The following PDE8A variants were observed in gnomAD, a reference collection of about 807,000 sequenced individuals.
PDE8A encodes the protein high affinity cAMP-specific and IBMX-insensitive 3',5'-cyclic phosphodiesterase 8A.
PDE8A carries 59 observed loss-of-function variants against 105.0 expected under a neutral mutation model. The ratio of observed to expected loss-of-function variants is 0.56; its 90% CI spans 0.46 to 0.70. The LOEUF (loss-of-function observed/expected upper bound fraction) is 0.70, where lower values mean the gene tolerates loss of function less well. PDE8A is among the 30% of genes least tolerant of loss of function. The pLI, the probability that PDE8A is intolerant of heterozygous loss-of-function variation, is 0.00. For synonymous variants in PDE8A, 355 were observed against 371.9 expected, an observed-to-expected ratio of 0.95 and a Z score of 0.52; for missense variants, 1,014 against 1,045.9, an observed-to-expected ratio of 0.97 and a Z score of 0.42.
intron 20 of PDE8A, among the ~76,000 whole-genome samples, chr15:85,127,241 T>C (rs539741171): frequency 9.2e-5 from 14 of 152,284 alleles, no homozygotes; most frequent in African/African-American, 3.1e-4. Flanking sequence ...GCATGAGATA[T>C]TGAATACATT....
chr15:85,114,077 G>C (rs182437084), intron 14 of PDE8A, 40 bp downstream of exon 14: 1 of 1,554,432 alleles, frequency 6.4e-7, no homozygotes, highest in Non-Finnish European at 8.9e-7. Flanking sequence ...GAGCCTGTCT[G>C]TTCTTGGTTG....
intron 20 of PDE8A, 41 bp downstream of exon 20, chr15:85,126,415 G>C: frequency 7.5e-7 from 1 of 1,335,812 alleles, no homozygotes; most frequent in Non-Finnish European, 1.0e-6. Flanking sequence ...GAGAGAGAGA[G>C]TTAAAACCCA....
At chr15:85,134,075 T>G (rs777529657) in intron 20 of PDE8A, among the ~76,000 whole-genome samples, 3 of 152,302 alleles carry the variant, frequency 2.0e-5, no homozygotes, top group Non-Finnish European at 4.4e-5. Context: ...GGGCCACAGT[T>G]TGCTGGTCTC....
chr15:85,123,973 G>T (rs751114036), intron 19 of PDE8A, among the ~76,000 whole-genome samples: 4 of 152,080 alleles, frequency 2.6e-5, no homozygotes, highest in Admixed American at 6.5e-5. Context: ...ATCAGTTGGA[G>T]CCCTTGATAT....
At chr15:85,095,268 T>C (rs372560111) in intron 8 of PDE8A, among the ~76,000 whole-genome samples, 5 of 152,170 alleles carry the variant, frequency 3.3e-5, no homozygotes, top group African/African-American at 1.2e-4. Context: ...GCTAAGAGTT[T>C]ATGTGAATTA....
intron 1 of PDE8A, among the ~76,000 whole-genome samples, chr15:85,058,102 ATAG>A: frequency 6.6e-6 from 1 of 151,946 alleles, no homozygotes; most frequent in Non-Finnish European, 1.5e-5. Context: ...GTTTTAAGGG[ATAG>A]GGTCTTGCTC....
In PDE8A at chr15:85,136,603, C is replaced by G. The variant is rs1180251018; in HGVS notation, c.2323C>G (p.Pro775Ala). 1.2e-6 allele frequency: 2 copies of G among 1,613,550 alleles called. No individual in the cohort carries two copies. Among genetic ancestry groups the G allele is most frequent in the Non-Finnish European group, 1.7e-6 (2 of 1,179,588 alleles). Residue 775 changes from proline to alanine, a missense_variant, in exon 21 of 22, where the codon CCC (proline) becomes GCC (alanine). Pro to Ala is a conservative substitution (Grantham distance 27, BLOSUM62 -1). Coordinates refer to ENST00000394553, the MANE Select transcript of PDE8A (RefSeq NM_002605.3). ...PVFDRNTCSI[P>A]KSQISFIDYF... The stretch of plus-strand genomic sequence containing the variant: ...GTTTGACAGAAATACCTGCAGCATC[C>G]CCAAATCCCAAATCTCTTTCATTGA...
intron 6 of PDE8A, among the ~76,000 whole-genome samples, chr15:85,086,462 A>C (rs571063100): frequency 6.6e-6 from 1 of 152,250 alleles, no homozygotes; most frequent in African/African-American, 2.4e-5. Flanking sequence ...TCATAAATAC[A>C]TGAAGAGCTT....
In PDE8A at chr15:85,022,054, A is replaced by G. The variant is rs182629041; in HGVS notation, c.186+39706A>G. On this transcript the variant is annotated intron_variant, in intron 1 of 21. Coordinates refer to ENST00000394553, the MANE Select transcript of PDE8A (RefSeq NM_002605.3). ...AGACTATATACAAATTCTCTTAATCATTAAGCTTTCACCAACTAGTTTTAA... is the reference window on the plus strand; with the variant it reads ...AGACTATATACAAATTCTCTTAATCGTTAAGCTTTCACCAACTAGTTTTAA... Among the ~76,000 whole-genome samples, 25 of 152,348 alleles carry G rather than the reference A, an allele frequency of 1.6e-4. 1 individual carries two copies. Among genetic ancestry groups the G allele is most frequent in the Non-Finnish European group, 3.2e-4 (22 of 68,024 alleles).
intron 16 of PDE8A, among the ~76,000 whole-genome samples, chr15:85,117,311 T>G (rs1381933909): frequency 1.3e-5 from 2 of 151,814 alleles, no homozygotes; most frequent in Non-Finnish European, 2.9e-5. Flanking sequence ...GGAGAAAGGG[T>G]TATTTTGAGG....
At chr15:85,097,201 T>C (rs2081769818) in intron 8 of PDE8A, among the ~76,000 whole-genome samples, 2 of 152,122 alleles carry the variant, frequency 1.3e-5, no homozygotes, top group African/African-American at 4.8e-5. Context: ...CATAACATTT[T>C]AGGACGGTGA....
At chr15:85,002,187 C>A (rs951158747) in intron 1 of PDE8A, among the ~76,000 whole-genome samples, 28 of 152,044 alleles carry the variant, frequency 1.8e-4, no homozygotes, top group African/African-American at 4.1e-4. Flanking sequence ...GCTGCCCCCC[C>A]AGTTCAGATG....
chr15:85,028,029 CTG>C (rs2080547353), intron 1 of PDE8A, among the ~76,000 whole-genome samples: 1 of 152,204 alleles, frequency 6.6e-6, no homozygotes, highest in South Asian at 2.1e-4. Context: ...CAACATTTAA[CTG>C]TGGTAAACGA....
chr15:85,023,962 T>A (rs1182475606), intron 1 of PDE8A, among the ~76,000 whole-genome samples: 1 of 152,078 alleles, frequency 6.6e-6, no homozygotes, highest in African/African-American at 2.4e-5. Context: ...GAACTGGCTG[T>A]CCACAGCCTC....
chr15:84,982,254 C>A lies in PDE8A; in HGVS notation c.92C>A (p.Pro31Gln). The change falls in exon 1 of 22, where the codon CCG becomes CAG. Residue 31 changes from proline to glutamine, a missense_variant. Coordinates refer to ENST00000394553, the MANE Select transcript of PDE8A (RefSeq NM_002605.3). ...PAAPPLSSGG[P>Q]RLPQGQKTAA... ...GCACCGCCGCTGTCGTCCGGCGGGC[C>A]GCGCCTCCCGCAGGGCCAGAAGACG... 2 of 1,455,618 alleles carry A rather than the reference C, an allele frequency of 1.4e-6. No individual in the cohort carries two copies. Among genetic ancestry groups the A allele is most frequent in the Admixed American group, 2.7e-5 (1 of 37,500 alleles). 90.2% of individuals were successfully genotyped at this position (1,455,618 alleles called of 1,614,324 possible).
chr15:85,041,974 C>T (rs772170319), intron 1 of PDE8A, among the ~76,000 whole-genome samples: 3 of 152,070 alleles, frequency 2.0e-5, no homozygotes, highest in Non-Finnish European at 4.4e-5. Flanking sequence ...TTCTTTTGAA[C>T]GTAAGCAAAT....
chr15:85,095,109 G>C (rs2081721142), intron 8 of PDE8A, among the ~76,000 whole-genome samples: 1 of 152,100 alleles, frequency 6.6e-6, no homozygotes, highest in African/African-American at 2.4e-5. Flanking sequence ...TGCATCAATA[G>C]CTTGGTGCAT....
chr15:85,027,021 A>G (rs568249811), intron 1 of PDE8A, among the ~76,000 whole-genome samples: 4 of 152,312 alleles, frequency 2.6e-5, no homozygotes, highest in African/African-American at 9.6e-5. Flanking sequence ...TTAATACCTC[A>G]GTTAATAGGT....
chr15:85,011,609 G>T (rs2080240522), intron 1 of PDE8A, among the ~76,000 whole-genome samples: 1 of 152,150 alleles, frequency 6.6e-6, no homozygotes, highest in African/African-American at 2.4e-5. Flanking sequence ...GAAAACCTAG[G>T]CATTACCATT....
Sources: allele counts gnomAD v4.1 joint callset (sites outside exome capture counted in the v4.1 genomes callset), GRCh38; gene constraint gnomAD v4.1.1; transcripts MANE v1.5; gene names NCBI Gene and HGNC (gene_info 2026-07-23, HGNC 2026-07-21).